Variants in MVB12B observed in about 807,000 individuals in gnomAD.
The protein encoded by MVB12B is multivesicular body subunit 12B, also known as ESCRT-I complex subunit MVB12B.
MVB12B carries 16 observed loss-of-function variants against 41.6 expected under a neutral mutation model. The observed-to-expected ratio is 0.38, with a 90% CI of 0.26 to 0.58. MVB12B has a LOEUF of 0.58. Among genes scored for constraint, MVB12B ranks in the 20% least tolerant of loss-of-function variants. The pLI, the probability that MVB12B is intolerant of heterozygous loss-of-function variation, is 0.62. For missense variants in MVB12B, 274 were observed against 380.2 expected (o/e 0.72, Z 2.32); for synonymous variants, 133 against 139.7 (o/e 0.95, Z 0.34).
rs570664583 is a variant in MVB12B, at chr9:126,483,074, C to T, written c.814-899C>T. On this transcript the variant is annotated intron_variant, in intron 8 of 9. Coordinates refer to ENST00000361171, the MANE Select transcript of MVB12B (RefSeq NM_033446.3). Reference sequence around the variant, plus strand: ...AGCTCCCCTCCCATCCCTGAGCTGCCGCCCTTCAGGACCATGCGGGCCCTG... The same window carrying T: ...AGCTCCCCTCCCATCCCTGAGCTGCTGCCCTTCAGGACCATGCGGGCCCTG... Among the ~76,000 whole-genome samples the T allele has an allele frequency of 4.1e-4, 63 of 152,346 alleles. 1 individual carries two copies. The highest frequency in any genetic ancestry group is 8.3e-4 in the South Asian group (4 of 4,832).
chr9:126,422,905 T>C (rs1043629984), intron 7 of MVB12B, among the ~76,000 whole-genome samples: 5 of 152,146 alleles, frequency 3.3e-5, no homozygotes, highest in Non-Finnish European at 7.4e-5. Flanking sequence ...CATTTCTGGG[T>C]GACATTCCTG....
chr9:126,362,719 A>G (rs477463), intron 2 of MVB12B, among the ~76,000 whole-genome samples: 28,582 of 152,212 alleles, frequency 0.19, 2,752 homozygotes, highest in Middle Eastern at 0.23. Flanking sequence ...ACATCGTACA[A>G]ACTATCCTAA....
intron 6 of MVB12B, among the ~76,000 whole-genome samples, chr9:126,409,700 G>A (rs1368221176): frequency 6.6e-6 from 1 of 152,176 alleles, no homozygotes; most frequent in Non-Finnish European, 1.5e-5. Flanking sequence ...ACTGGGCACA[G>A]GCAACCTCCC....
intron 2 of MVB12B, among the ~76,000 whole-genome samples, chr9:126,352,991 A>G (rs1326732254): frequency 1.3e-5 from 2 of 152,216 alleles, no homozygotes; most frequent in African/African-American, 4.8e-5. Flanking sequence ...TTCGTAGTCC[A>G]GATTTATAGT....
intron 6 of MVB12B, among the ~76,000 whole-genome samples, chr9:126,417,758 A>G (rs747060572): frequency 6.6e-6 from 1 of 152,202 alleles, no homozygotes; most frequent in Non-Finnish European, 1.5e-5. Context: ...CAGATGACCA[A>G]AGTGTACTGT....
intron 7 of MVB12B, among the ~76,000 whole-genome samples, chr9:126,434,957 C>A (rs1832429210): frequency 6.6e-6 from 1 of 152,164 alleles, no homozygotes; most frequent in African/African-American, 2.4e-5. Flanking sequence ...AGGGGATGTT[C>A]CATGACACTC....
At chr9:126,330,827 GTAGTCAAACT>G (rs1829109858) in intron 1 of MVB12B, among the ~76,000 whole-genome samples, 1 of 152,014 alleles carries the variant, frequency 6.6e-6, no homozygotes, top group Non-Finnish European at 1.5e-5. Flanking sequence ...ACTACCCTAG[GTAGTCAAACT>G]GTGTGATCCT....
rs906808253 is a variant in MVB12B, at chr9:126,386,011, G to A, written c.313-551G>A. ...GGCCCTTGTGCGTGTCATTTTAGAAGATGTGTAATATTGAGGCAGCAGGGC... is the reference window on the plus strand; with the variant it reads ...GGCCCTTGTGCGTGTCATTTTAGAAAATGTGTAATATTGAGGCAGCAGGGC... On this transcript the variant is annotated intron_variant, in intron 3 of 9. Coordinates refer to ENST00000361171, the MANE Select transcript of MVB12B (RefSeq NM_033446.3). The surrounding 1 kb of genome is among the most constrained non-coding windows in gnomAD (Gnocchi z 4.3). Among the ~76,000 whole-genome samples, 13 of 152,298 alleles carry A rather than the reference G, an allele frequency of 8.5e-5. No individual in the cohort carries two copies. Among genetic ancestry groups the A allele is most frequent in the Admixed American group, 2.0e-4 (3 of 15,306 alleles).
intron 6 of MVB12B, among the ~76,000 whole-genome samples, chr9:126,420,542 A>C (rs1588157951): frequency 7.5e-6 from 1 of 133,478 alleles, no homozygotes; most frequent in African/African-American, 2.9e-5. Flanking sequence ...CTCCCTGGAG[A>C]GCCTTTCCTC....
chr9:126,453,825 CAT>C (rs1832928835), intron 7 of MVB12B, among the ~76,000 whole-genome samples: 1 of 152,210 alleles, frequency 6.6e-6, no homozygotes, highest in Non-Finnish European at 1.5e-5. Context: ...TGTGTGCACA[CAT>C]GACATATACA....
chr9:126,447,290 T>C (rs964989761), intron 7 of MVB12B, among the ~76,000 whole-genome samples: 20 of 151,574 alleles, frequency 1.3e-4, no homozygotes, highest in Non-Finnish European at 2.2e-4. Context: ...TTAGCTTTTT[T>C]AATAGCTTCC....
rs972366337 is a variant in MVB12B at position 126,340,906 on chromosome 9, T to G, written c.204+276T>G. 2.6e-5 allele frequency among the ~76,000 whole-genome samples: 4 copies of G among 152,210 alleles called. No individual in the cohort carries two copies. The highest frequency in any genetic ancestry group is 9.7e-5 in the African/African-American group (4 of 41,440). On this transcript the variant is annotated intron_variant, in intron 2 of 9. Coordinates refer to ENST00000361171, the MANE Select transcript of MVB12B (RefSeq NM_033446.3). The surrounding 1 kb of genome is among the most constrained non-coding windows in gnomAD (Gnocchi z 4.0). ...GATTTTCAACTTCTGGTTGTGACAT[T>G]TCGTGAAAAGGATCCAGAGTCTATG...
At position 126,391,678 on chromosome 9, in the gene MVB12B, T is replaced by C. The variant is rs1830958254; in HGVS notation, c.410-388T>C. Reference sequence around the variant, plus strand: ...GGATTCATTCCACTGTTCTCTCTGCTTTGGGGTATGTTTGAAGATTTCTGT... The same window carrying C: ...GGATTCATTCCACTGTTCTCTCTGCCTTGGGGTATGTTTGAAGATTTCTGT... On this transcript the variant is annotated intron_variant, in intron 4 of 9. Coordinates refer to ENST00000361171, the MANE Select transcript of MVB12B (RefSeq NM_033446.3). This position sits in a 1 kb window ranked among gnomAD's most constrained non-coding sequence, Gnocchi z 4.4. 6.6e-6 allele frequency among the ~76,000 whole-genome samples: 1 copy of C among 152,210 alleles called. No individual in the cohort carries two copies. The highest frequency in any genetic ancestry group is 2.4e-5 in the African/African-American group (1 of 41,444).
At chr9:126,371,055 G>A (rs1197123633) in intron 2 of MVB12B, among the ~76,000 whole-genome samples, 2 of 152,140 alleles carry the variant, frequency 1.3e-5, no homozygotes, top group Non-Finnish European at 1.5e-5. Flanking sequence ...CTGTAGTGAC[G>A]ATCAGGTGTC....
intron 6 of MVB12B, chr9:126,408,550 A>C (rs1233555291): frequency 2.0e-5 from 3 of 151,936 alleles, no homozygotes; most frequent in African/African-American, 7.3e-5. Flanking sequence ...CTTTTCCACA[A>C]GAGGGTAAGT....
At chr9:126,409,480 TTG>T (rs889322498) in intron 6 of MVB12B, among the ~76,000 whole-genome samples, 11 of 30,868 alleles carry the variant, frequency 3.6e-4, no homozygotes, top group African/African-American at 8.1e-4. Context: ...GAGAATTAAA[TTG>T]GGGGGGGACA....
intron 9 of MVB12B, among the ~76,000 whole-genome samples, chr9:126,500,709 C>T (rs1182096318): frequency 6.6e-6 from 1 of 152,232 alleles, no homozygotes; most frequent in Non-Finnish European, 1.5e-5. Flanking sequence ...ACGCCGTAGG[C>T]CCTCAGCCCC....
chr9:126,490,597 C>A (rs1833712302), intron 9 of MVB12B, among the ~76,000 whole-genome samples: 1 of 152,236 alleles, frequency 6.6e-6, no homozygotes, highest in Non-Finnish European at 1.5e-5. Flanking sequence ...GGCGGAGCAA[C>A]AGCCTCCATT....
At chr9:126,472,415 A>G (rs1833332606) in intron 7 of MVB12B, among the ~76,000 whole-genome samples, 1 of 148,204 alleles carries the variant, frequency 6.7e-6, no homozygotes, top group Non-Finnish European at 1.5e-5. Context: ...CAGCATGCAG[A>G]TTGGACTGAC....
Sources: gnomAD v4.1 joint callset for allele counts (sites outside exome capture counted in the v4.1 genomes callset) on GRCh38, gnomAD v4.1.1 for gene constraint, Gnocchi (gnomAD v3.1) non-coding constraint, MANE v1.5 for transcripts, NCBI Gene and HGNC (gene_info 2026-07-23, HGNC 2026-07-21) for gene names.